YWHAG: variants seen among roughly 807,000 people sequenced by gnomAD.
YWHAG encodes the protein 14-3-3 protein gamma.
In YWHAG, 1 loss-of-function variant was observed where a neutral mutation model predicts 23.3. That is an observed-to-expected ratio of 0.04 (90% CI 0.02 to 0.20). The LOEUF (loss-of-function observed/expected upper bound fraction) is 0.20, where lower values mean the gene tolerates loss of function less well. YWHAG is among the 10% of genes least tolerant of loss of function. YWHAG has a pLI of 1.00. For missense variants in YWHAG, 151 were observed against 338.6 expected (o/e 0.45, Z 4.35); for synonymous variants, 160 against 144.0 (o/e 1.11, Z -0.80).
chr7:76,350,236 C>G (rs1803854493), intron 1 of YWHAG, among the ~76,000 whole-genome samples: 1 of 152,228 alleles, frequency 6.6e-6, no homozygotes, highest in South Asian at 2.1e-4. Context: ...GAGCCTACCC[C>G]TGCTTCAACC....
intron 1 of YWHAG, among the ~76,000 whole-genome samples, chr7:76,335,160 C>T (rs1290968513): frequency 6.6e-6 from 1 of 152,068 alleles, no homozygotes; most frequent in African/African-American, 2.4e-5. Context: ...TGGGTTCAAG[C>T]GATTCTCCTG....
chr7:76,329,473 A>C lies in YWHAG; in HGVS notation c.*104T>G. The C allele has an allele frequency of 3.0e-6, 4 of 1,318,644 alleles. No homozygotes were observed. Among genetic ancestry groups the C allele is most frequent in the East Asian group, 2.6e-5 (1 of 38,522 alleles). The allele number at this position is 1,318,644 out of a possible 1,614,324, so 81.7% of individuals were successfully genotyped here. ...ACAGGTCGTGGGTTTCTCCCTGGGA[A>C]GGTCATCCCTCCCTTTCCCTCCCCC... On this transcript the variant is annotated 3_prime_UTR_variant, in exon 2 of 2. Coordinates refer to ENST00000307630, the MANE Select transcript of YWHAG (RefSeq NM_012479.4). This position sits in a 1 kb window ranked among gnomAD's most constrained non-coding sequence, Gnocchi z 6.1.
intron 1 of YWHAG, among the ~76,000 whole-genome samples, chr7:76,340,232 C>T (rs1583987189): frequency 6.6e-6 from 1 of 152,342 alleles, no homozygotes; most frequent in East Asian, 1.9e-4. Flanking sequence ...ACAATCAATT[C>T]TAGTATTTTT....
intron 1 of YWHAG, among the ~76,000 whole-genome samples, chr7:76,351,665 G>A (rs919107632): frequency 1.3e-5 from 2 of 152,180 alleles, no homozygotes; most frequent in Non-Finnish European, 2.9e-5. Flanking sequence ...CAAAAGGGAT[G>A]TAGGCTGCAT....
intron 1 of YWHAG, among the ~76,000 whole-genome samples, chr7:76,353,549 T>C (rs954736856): frequency 6.6e-6 from 1 of 152,208 alleles, no homozygotes; most frequent in African/African-American, 2.4e-5. Context: ...TAACTAATTT[T>C]CTACCACTCA....
At chr7:76,338,035 ATAAT>A (rs1803640841) in intron 1 of YWHAG, among the ~76,000 whole-genome samples, 1 of 152,142 alleles carries the variant, frequency 6.6e-6, no homozygotes, top group East Asian at 1.9e-4. Flanking sequence ...TACTTATCAA[ATAAT>A]TAATTCATCA....
intron 1 of YWHAG, among the ~76,000 whole-genome samples, chr7:76,336,659 T>C (rs1803620572): frequency 6.6e-6 from 1 of 152,070 alleles, no homozygotes; most frequent in Admixed American, 6.6e-5. Flanking sequence ...TTTCACCACG[T>C]TGGCCAGGCT....
At chr7:76,350,812 CCA>C (rs1224349953) in intron 1 of YWHAG, among the ~76,000 whole-genome samples, 1 of 152,032 alleles carries the variant, frequency 6.6e-6, no homozygotes, top group Admixed American at 6.6e-5. Flanking sequence ...CCACTGCACT[CCA>C]CCCTGAGCAA....
intron 1 of YWHAG, among the ~76,000 whole-genome samples, chr7:76,335,965 C>T (rs1583984850): frequency 6.6e-6 from 1 of 151,646 alleles, no homozygotes; most frequent in African/African-American, 2.4e-5. Flanking sequence ...CCACACCCCC[C>T]AAAAAAAAGT....
At chr7:76,330,676 G>A (rs1389025791) in intron 1 of YWHAG, among the ~76,000 whole-genome samples, 1 of 152,168 alleles carries the variant, frequency 6.6e-6, no homozygotes, top group Non-Finnish European at 1.5e-5. Flanking sequence ...GAGAAACATG[G>A]AGGCCTTTCT....
chr7:76,342,757 T>C (rs1384902156), intron 1 of YWHAG, among the ~76,000 whole-genome samples: 3 of 152,152 alleles, frequency 2.0e-5, no homozygotes, highest in Admixed American at 1.3e-4. Flanking sequence ...TAGTGACTAT[T>C]TCTAATTAAT....
intron 1 of YWHAG, among the ~76,000 whole-genome samples, chr7:76,352,585 T>C (rs1803891540): frequency 6.6e-6 from 1 of 152,232 alleles, no homozygotes. Flanking sequence ...AATAATTTTA[T>C]TGTTTTAATG....
intron 1 of YWHAG, among the ~76,000 whole-genome samples, chr7:76,346,798 C>G (rs888027950): frequency 6.0e-4 from 92 of 152,290 alleles, no homozygotes; most frequent in African/African-American, 2.1e-3. Context: ...TGGTCCTCTT[C>G]AGCCTGAAGA....
At chr7:76,346,909 C>T (rs1012909578) in intron 1 of YWHAG, among the ~76,000 whole-genome samples, 8 of 152,286 alleles carry the variant, frequency 5.3e-5, no homozygotes, top group African/African-American at 1.4e-4. Flanking sequence ...CCTCAAAAAG[C>T]GCACCACCAC....
intron 1 of YWHAG, among the ~76,000 whole-genome samples, chr7:76,333,263 T>A (rs965278614): frequency 2.6e-5 from 4 of 152,102 alleles, no homozygotes; most frequent in Non-Finnish European, 5.9e-5. Context: ...AGCCACTGCA[T>A]CCAGCCATTT....
chr7:76,346,222 C>T (rs1803777718), intron 1 of YWHAG, among the ~76,000 whole-genome samples: 1 of 152,198 alleles, frequency 6.6e-6, no homozygotes, highest in African/African-American at 2.4e-5. Context: ...CTCTCCTCCC[C>T]TTGTCAGCCT....
At chr7:76,331,837 C>CA (rs113722786) in intron 1 of YWHAG, among the ~76,000 whole-genome samples, 2,173 of 140,400 alleles carry the variant, frequency 0.015, 50 homozygotes, top group African/African-American at 0.046. Context: ...GGCCCCATCT[C>CA]AAAAAAAAAA....
chr7:76,348,055 C>T (rs772626796), intron 1 of YWHAG, among the ~76,000 whole-genome samples: 1 of 152,168 alleles, frequency 6.6e-6, no homozygotes, highest in Non-Finnish European at 1.5e-5. Context: ...TGTATTTAAA[C>T]CTAGATGACA....
chr7:76,342,119 T>C (rs1803705420), intron 1 of YWHAG, among the ~76,000 whole-genome samples: 1 of 152,174 alleles, frequency 6.6e-6, no homozygotes, highest in Non-Finnish European at 1.5e-5. Context: ...CAACATCTAG[T>C]AATGTAGTGC....
Sources: gnomAD v4.1 joint callset for allele counts (sites outside exome capture counted in the v4.1 genomes callset) on GRCh38, gnomAD v4.1.1 for gene constraint, Gnocchi (gnomAD v3.1) non-coding constraint, MANE v1.5 for transcripts, NCBI Gene and HGNC (gene_info 2026-07-23, HGNC 2026-07-21) for gene names.